The following ZFAND6 variants were observed in gnomAD, a reference collection of about 807,000 sequenced individuals.
ZFAND6 encodes zinc finger AN1-type containing 6, also known as AN1-type zinc finger protein 6.
Under a neutral mutation model 24.5 loss-of-function variants are expected in ZFAND6, and 12 were observed. The ratio of observed to expected loss-of-function variants is 0.49; its 90% CI spans 0.31 to 0.79. ZFAND6 has a LOEUF of 0.79. Among genes scored for constraint, ZFAND6 ranks in the 30% least tolerant of loss-of-function variants. The pLI is 0.04. For synonymous variants in ZFAND6, 92 were observed against 81.5 expected, an observed-to-expected ratio of 1.13 and a Z score of -0.69; for missense variants, 207 against 245.9, an observed-to-expected ratio of 0.84 and a Z score of 1.06.
At chr15:80,121,122 TGTAGG>T (rs2040127697) in intron 3 of ZFAND6, among the ~76,000 whole-genome samples, 1 of 152,212 alleles carries the variant, frequency 6.6e-6, no homozygotes, top group South Asian at 2.1e-4. Flanking sequence ...ATAGATCTCA[TGTAGG>T]TTAATGCCTG....
intron 1 of ZFAND6, chr15:80,073,457 T>C (rs1567052453): frequency 5.6e-6 from 1 of 179,990 alleles, no homozygotes; most frequent in African/African-American, 2.4e-5. Context: ...TGTTGCTCTT[T>C]GTTCTCATAG....
At chr15:80,066,036 G>A (rs2036611772) in intron 1 of ZFAND6, among the ~76,000 whole-genome samples, 2 of 151,984 alleles carry the variant, frequency 1.3e-5, no homozygotes, top group African/African-American at 4.8e-5. Context: ...TTTTCAACAA[G>A]TATTTAAGCA....
intron 2 of ZFAND6, among the ~76,000 whole-genome samples, chr15:80,104,885 G>T (rs1343014489): frequency 6.6e-6 from 1 of 151,842 alleles, no homozygotes; most frequent in Non-Finnish European, 1.5e-5. Flanking sequence ...ATATCATACA[G>T]CATGCATTTT....
chr15:80,092,230 G>A (rs1567066731), intron 1 of ZFAND6, among the ~76,000 whole-genome samples: 1 of 150,894 alleles, frequency 6.6e-6, no homozygotes, highest in Non-Finnish European at 1.5e-5. Context: ...GCTTCCACCT[G>A]TAATCCCAGC....
chr15:80,066,340 TCTCA>T (rs2036634192), intron 1 of ZFAND6, among the ~76,000 whole-genome samples: 1 of 147,458 alleles, frequency 6.8e-6, no homozygotes, highest in African/African-American at 2.5e-5. Flanking sequence ...AAAAACGGAG[TCTCA>T]CTCTGTTGCC....
At chr15:80,094,458 T>C (rs2038585925) in intron 1 of ZFAND6, among the ~76,000 whole-genome samples, 2 of 147,568 alleles carry the variant, frequency 1.4e-5, no homozygotes, top group African/African-American at 5.0e-5. Flanking sequence ...CCTGAAATCA[T>C]CCCGCCCACC....
intron 1 of ZFAND6, among the ~76,000 whole-genome samples, chr15:80,067,057 C>T (rs1333076375): frequency 6.6e-6 from 1 of 152,144 alleles, no homozygotes; most frequent in Non-Finnish European, 1.5e-5. Context: ...AAGAGAACTG[C>T]TGGCACAAAT....
chr15:80,120,514 G>A lies in ZFAND6; in HGVS notation c.154+16G>A, dbSNP rs76674514. On this transcript the variant is annotated intron_variant, in intron 3 of 6. Transcript: ENST00000261749. ...AGCCCACCTGGTAAGTAATTCTAGT[G>A]AAACCCGTCTATATTCATAATTGAA... 24,129 of 1,516,658 alleles carry A rather than the reference G, an allele frequency of 0.016. 1,659 individuals carry two copies. The East Asian group carries it at 0.2, about 12-fold the overall frequency. 94.0% of individuals were successfully genotyped at this position (1,516,658 alleles called of 1,614,324 possible).
chr15:80,065,289 A>C (rs1044484613), intron 1 of ZFAND6, among the ~76,000 whole-genome samples: 5 of 151,142 alleles, frequency 3.3e-5, no homozygotes, highest in African/African-American at 1.2e-4. Context: ...TGTTGCCTTG[A>C]AATAAAGCTG....
In ZFAND6 at chr15:80,120,417, C is replaced by A; in HGVS notation, c.73C>A (p.Arg25Ser). Reference protein sequence around the residue: ...STGCGFYGNPRTNGMCSVCYK... With the variant: ...STGCGFYGNPSTNGMCSVCYK... ...TGGCTGTGGATTTTATGGAAACCCT[C>A]GTACAAATGGCATGTGTTCAGTATG... The change falls in exon 3 of 7, where the codon CGT (arginine) becomes AGT (serine). Residue 25 changes from arginine to serine, a missense_variant. Arg to Ser is a moderately radical substitution (Grantham distance 110). Transcript: ENST00000261749. The A allele has an allele frequency of 6.2e-7, 1 of 1,605,886 alleles. No homozygotes were observed. The highest frequency in any genetic ancestry group is 8.5e-7 in the Non-Finnish European group (1 of 1,174,684).
chr15:80,120,585 A>C, intron 3 of ZFAND6, 87 bp downstream of exon 3: 1 of 1,146,254 alleles, frequency 8.7e-7, no homozygotes, highest in Non-Finnish European at 1.1e-6. Flanking sequence ...TTCTGCTCTC[A>C]CATTATATTT....
In ZFAND6 at chr15:80,118,016, T is replaced by TTGTGTGTGTGTGTG. The variant is rs71455308; in HGVS notation, c.-17-2306_-17-2293dup. On this transcript the variant is annotated intron_variant, in intron 2 of 6. Transcript: ENST00000261749. ...GCTGGGATTCAATCCAGGTATTGAA[T>TTGTGTGTGTGTGTG]TGTGTGTGTGTGTGTGTGTATATGT... Among the ~76,000 whole-genome samples the TTGTGTGTGTGTGTG allele has an allele frequency of 3.1e-3, 464 of 150,416 alleles. 2 individuals carry two copies. The highest frequency in any genetic ancestry group is 4.4e-3 in the Non-Finnish European group (296 of 67,584).
intron 6 of ZFAND6, among the ~76,000 whole-genome samples, chr15:80,132,083 T>C (rs1157765042): frequency 6.6e-6 from 1 of 152,214 alleles, no homozygotes; most frequent in Non-Finnish European, 1.5e-5. Flanking sequence ...TGAACAAGAC[T>C]GTTGTGTACT....
intron 1 of ZFAND6, among the ~76,000 whole-genome samples, chr15:80,065,822 G>A (rs1218460775): frequency 2.0e-5 from 3 of 151,988 alleles, no homozygotes; most frequent in Non-Finnish European, 4.4e-5. Context: ...TGGGATTACA[G>A]GCGTGACCCA....
At chr15:80,088,820 C>T (rs935507615) in intron 1 of ZFAND6, among the ~76,000 whole-genome samples, 1 of 152,136 alleles carries the variant, frequency 6.6e-6, no homozygotes, top group Non-Finnish European at 1.5e-5. Context: ...AAACTTAGCT[C>T]CTTAGTTGCA....
intron 1 of ZFAND6, among the ~76,000 whole-genome samples, chr15:80,070,122 C>G (rs926221628): frequency 6.6e-6 from 1 of 152,108 alleles, no homozygotes; most frequent in Non-Finnish European, 1.5e-5. Context: ...AGTGTTTGCC[C>G]TGTTCTGTAT....
intron 1 of ZFAND6, among the ~76,000 whole-genome samples, chr15:80,097,357 A>T (rs565872478): frequency 6.6e-6 from 1 of 152,244 alleles, no homozygotes; most frequent in East Asian, 1.9e-4. Context: ...TTTAAAAATT[A>T]AATCTTTTGG....
intron 5 of ZFAND6, chr15:80,130,938 A>G (rs947229958): frequency 7.7e-6 from 3 of 391,470 alleles, no homozygotes; most frequent in Non-Finnish European, 1.4e-5. Context: ...AAACCTAAAG[A>G]AAGTCTATAA....
rs147664630 is a variant in ZFAND6, at chr15:80,093,209, C to T, written c.-180-5207C>T. The stretch of plus-strand genomic sequence containing the variant: ...TTCGAACTCCTGACCTCGTGATCCG[C>T]CTGCCTCGGCCTCCCAAAGTACTGG... On this transcript the variant is annotated intron_variant, in intron 1 of 6. Transcript: ENST00000261749. Among the ~76,000 whole-genome samples, 533 of 151,950 alleles carry T rather than the reference C, an allele frequency of 3.5e-3. 4 individuals are homozygous for T. Among genetic ancestry groups the T allele is most frequent in the African/African-American group, 0.012 (517 of 41,482 alleles).
Sources: gnomAD v4.1 joint callset for allele counts (sites outside exome capture counted in the v4.1 genomes callset) on GRCh38, gnomAD v4.1.1 for gene constraint, MANE v1.5 for transcripts, NCBI Gene and HGNC (gene_info 2026-07-23, HGNC 2026-07-21) for gene names.